IWS1: variants seen among roughly 807,000 people sequenced by gnomAD.
IWS1 encodes the protein protein IWS1 homolog.
In IWS1, 27 loss-of-function variants were observed where a neutral mutation model predicts 86.7. The ratio of observed to expected loss-of-function variants is 0.31; its 90% CI spans 0.23 to 0.43. IWS1 has a LOEUF of 0.43. Among genes scored for constraint, IWS1 ranks in the 20% least tolerant of loss-of-function variants. The probability of loss-of-function intolerance (pLI) is 1.00; values close to 1 mark genes in which losing one functional copy is unlikely to be tolerated. For missense variants in IWS1, 827 were observed against 1,000.8 expected (o/e 0.83, Z 2.34); for synonymous variants, 313 against 335.1 (o/e 0.93, Z 0.72).
intron 9 of IWS1, chr2:127,493,039 A>C (rs184846867): frequency 3.3e-6 from 1 of 303,774 alleles, no homozygotes; most frequent in African/African-American, 2.2e-5. Flanking sequence ...CTACTGTACT[A>C]CTCTTCTCAG....
chr2:127,505,102 C>A lies in IWS1; in HGVS notation c.801G>T (p.Glu267Asp), dbSNP rs759841921. 6.2e-7 allele frequency: 1 copy of A among 1,610,490 alleles called. No homozygotes were observed. Among genetic ancestry groups the A allele is most frequent in the Non-Finnish European group, 8.5e-7 (1 of 1,178,034 alleles). Residue 267 changes from glutamate (E) to aspartate (D), a missense_variant, in exon 3 of 14, where the codon GAG (glutamate) becomes GAT (aspartate). Physicochemically the swap from Glu to Asp is conservative, Grantham distance 45. Around this residue, in one of 2 missense-constraint regions of IWS1, gnomAD observed 548 missense variants for 560.2 expected, o/e 0.98. Transcript: ENST00000295321. The surrounding 1 kb of genome is among the most constrained non-coding windows in gnomAD (Gnocchi z 5.0). Reference protein sequence around the residue: ...RHQASDSENEELPKPRISDSE... With the variant: ...RHQASDSENEDLPKPRISDSE... ...AATCACTGATTCGGGGTTTGGGAAGCTCTTCATTTTCTGAGTCACTGGCCT... is the reference window on the plus strand; with the variant it reads ...AATCACTGATTCGGGGTTTGGGAAGATCTTCATTTTCTGAGTCACTGGCCT...
chr2:127,489,294 A>G lies in IWS1; in HGVS notation c.2160-59T>C. 1 of 1,259,200 alleles carries G rather than the reference A, an allele frequency of 7.9e-7. No individual in the cohort carries two copies. Among genetic ancestry groups the G allele is most frequent in the Non-Finnish European group, 1.1e-6 (1 of 875,018 alleles). The allele number at this position is 1,259,200 out of a possible 1,614,324, so 78.0% of individuals were successfully genotyped here. On this transcript the variant is annotated intron_variant, in intron 11 of 13. Transcript: ENST00000295321. This position sits in a 1 kb window ranked among gnomAD's most constrained non-coding sequence, Gnocchi z 4.8. Reference sequence around the variant, plus strand: ...TATTAGAACCTAATAACTCAGAAAAAGAGCAAACTAAAAATCAAACTTAGA... The same window carrying G: ...TATTAGAACCTAATAACTCAGAAAAGGAGCAAACTAAAAATCAAACTTAGA...
At chr2:127,518,086 G>A (rs1315635361) in intron 2 of IWS1, among the ~76,000 whole-genome samples, 1 of 152,148 alleles carries the variant, frequency 6.6e-6, no homozygotes, top group Non-Finnish European at 1.5e-5. Context: ...GGGAAGAGGA[G>A]GTTAGAAAGG....
At chr2:127,508,426 G>GAGAGGCATACAGTACCAGC (rs1691263141) in intron 2 of IWS1, among the ~76,000 whole-genome samples, 2 of 152,208 alleles carry the variant, frequency 1.3e-5, no homozygotes, top group Non-Finnish European at 2.9e-5. Flanking sequence ...GGAGGGTGGG[G>GAGAGGCATACAGTACCAGC]AGAGGCATAC....
At chr2:127,523,232 C>T (rs1299269537) in intron 2 of IWS1, among the ~76,000 whole-genome samples, 2 of 152,026 alleles carry the variant, frequency 1.3e-5, no homozygotes, top group Non-Finnish European at 2.9e-5. Flanking sequence ...ATTATTATTA[C>T]ATACATTATA....
chr2:127,504,687 C>A lies in IWS1; in HGVS notation c.1216G>T (p.Ala406Ser). 1 of 1,593,968 alleles carries A rather than the reference C, an allele frequency of 6.3e-7. No individual in the cohort carries two copies. Among genetic ancestry groups the A allele is most frequent in the Non-Finnish European group, 8.5e-7 (1 of 1,170,876 alleles). ...VLSDSEDEEK[A>S]SAKKSRVVSD... is the part of the protein sequence containing the mutation. ...ACAGCCCAAGGTAACTCCTTACATG[C>A]TTTCTCTTCATCTTCACTATCAGAA... is the stretch of plus-strand genomic sequence containing the variant. The change falls in exon 3 of 14, where the codon GCA becomes TCA. Residue 406 changes from alanine (A) to serine (S), a missense_variant. Ala to Ser is a moderately conservative substitution (Grantham distance 99). Transcript: ENST00000295321.
chr2:127,504,668 C>T lies in IWS1; in HGVS notation c.1219+16G>A. 1.3e-6 allele frequency: 2 copies of T among 1,558,782 alleles called. No individual in the cohort carries two copies. The highest frequency in any genetic ancestry group is 1.7e-6 in the Non-Finnish European group (2 of 1,148,504). The stretch of plus-strand genomic sequence containing the variant: ...TGAATAAAGCCATTGATAAACAGCC[C>T]AAGGTAACTCCTTACATGCTTTCTC... On this transcript the variant is annotated intron_variant, in intron 3 of 13. Coordinates refer to ENST00000295321, the MANE Select transcript of IWS1 (RefSeq NM_017969.3).
rs756814962 is a variant in IWS1, at chr2:127,505,583, T to C, written c.320A>G (p.Asp107Gly). 2.5e-6 allele frequency: 4 copies of C among 1,614,018 alleles called. No individual in the cohort carries two copies. The highest frequency in any genetic ancestry group is 1.1e-5 in the South Asian group (1 of 91,068). Residue 107 changes from aspartate to glycine, a missense_variant, in exon 3 of 14, where the codon GAT (aspartate) becomes GGT (glycine). By Grantham distance (94) the Asp-to-Gly change is moderately conservative. Transcript: ENST00000295321. This position sits in a 1 kb window ranked among gnomAD's most constrained non-coding sequence, Gnocchi z 5.0. Reference sequence around the variant, plus strand: ...CTGATTGACATCCTCATTTTCAGAATCGCTTGCAGGAGGCTCTGCACGTTC... The same window carrying C: ...CTGATTGACATCCTCATTTTCAGAACCGCTTGCAGGAGGCTCTGCACGTTC... ...SEERAEPPAS[D>G]SENEDVNQHG...
chr2:127,520,228 G>A (rs535497450), intron 2 of IWS1, among the ~76,000 whole-genome samples: 109 of 152,206 alleles, frequency 7.2e-4, no homozygotes, highest in African/African-American at 2.5e-3. Flanking sequence ...GAGTGCAGTG[G>A]TGTGATCTCT....
chr2:127,516,969 A>G (rs56721886), intron 2 of IWS1, among the ~76,000 whole-genome samples: 431 of 152,302 alleles, frequency 2.8e-3, no homozygotes, highest in African/African-American at 9.5e-3. Context: ...AATAGTAGGA[A>G]AAGTGTTTAG....
At chr2:127,509,162 C>A (rs866667407) in intron 2 of IWS1, among the ~76,000 whole-genome samples, 1 of 151,942 alleles carries the variant, frequency 6.6e-6, no homozygotes, top group Non-Finnish European at 1.5e-5. Flanking sequence ...GAATTTGGGA[C>A]GAGTATGCTG....
At chr2:127,501,166 T>C (rs1690787085) in intron 5 of IWS1, among the ~76,000 whole-genome samples, 1 of 152,190 alleles carries the variant, frequency 6.6e-6, no homozygotes, top group African/African-American at 2.4e-5. Context: ...TCTTTCCTTC[T>C]GTATTTCCTT....
At position 127,486,565 on chromosome 2, in the gene IWS1, C is replaced by A. The variant is rs1331383813; in HGVS notation, c.2316G>T (p.Met772Ile). Residue 772 changes from methionine to isoleucine, a missense_variant, in exon 13 of 14, where the codon ATG becomes ATT. Met to Ile is a conservative substitution (Grantham distance 10). This residue lies in a region of IWS1 where 279 missense variants were observed against 440.6 expected (regional missense o/e 0.63). Transcript: ENST00000295321. ...TCCGCTTGCTTACCCTGGATGACTC[C>A]ATTTCCACATTCCATTTGGGCCTGA... ...YVVRPKWNVE[M>I]ESSRFQATSK... 1 of 1,613,326 alleles carries A rather than the reference C, an allele frequency of 6.2e-7. No individual in the cohort carries two copies. Among genetic ancestry groups the A allele is most frequent in the East Asian group, 2.2e-5 (1 of 44,868 alleles).
chr2:127,517,455 T>G (rs1324036726), intron 2 of IWS1, among the ~76,000 whole-genome samples: 2 of 152,282 alleles, frequency 1.3e-5, no homozygotes, highest in African/African-American at 4.8e-5. Context: ...GGTCAACAGA[T>G]TTTCAACAAG....
intron 2 of IWS1, among the ~76,000 whole-genome samples, chr2:127,521,454 G>A (rs1460408508): frequency 2.0e-5 from 3 of 152,070 alleles, no homozygotes; most frequent in African/African-American, 7.2e-5. Flanking sequence ...AACTTATTAT[G>A]GGGTTACAGC....
chr2:127,513,722 TTTTC>T (rs1691601603), intron 2 of IWS1, among the ~76,000 whole-genome samples: 3 of 112,652 alleles, frequency 2.7e-5, no homozygotes, highest in South Asian at 5.9e-4. Flanking sequence ...TACCAAATTA[TTTTC>T]TTTTTTATTT....
intron 2 of IWS1, chr2:127,506,762 T>C (rs1691171962): frequency 5.9e-6 from 1 of 168,604 alleles, no homozygotes; most frequent in Non-Finnish European, 1.5e-5. Context: ...ACATGATTCA[T>C]CTAACTATAC....
At chr2:127,502,150 A>G (rs1209200517) in intron 5 of IWS1, among the ~76,000 whole-genome samples, 2 of 152,200 alleles carry the variant, frequency 1.3e-5, no homozygotes, top group Non-Finnish European at 2.9e-5. Flanking sequence ...CTGCCAGAAG[A>G]TTCAAAGATG....
chr2:127,508,360 A>C (rs1573546223), intron 2 of IWS1, among the ~76,000 whole-genome samples: 1 of 150,808 alleles, frequency 6.6e-6, no homozygotes, highest in Admixed American at 6.6e-5. Context: ...TGCAAAAAAA[A>C]GGTGTGCAGA....
Sources: allele counts gnomAD v4.1 joint callset (sites outside exome capture counted in the v4.1 genomes callset), GRCh38; gene constraint gnomAD v4.1.1; regional missense constraint gnomAD v4.1.1; non-coding constraint Gnocchi (gnomAD v3.1); transcripts MANE v1.5; gene names NCBI Gene and HGNC (gene_info 2026-07-23, HGNC 2026-07-21).